Variants in SH3RF1 observed in about 807,000 individuals in gnomAD.
SH3RF1 encodes SH3 domain containing ring finger 1.
A neutral mutation model predicts 74.0 loss-of-function variants in SH3RF1; 32 were observed. The observed-to-expected ratio is 0.43, with a 90% CI of 0.33 to 0.58. The LOEUF (loss-of-function observed/expected upper bound fraction) is 0.58. Ranked by LOEUF, SH3RF1 falls within the 20% of genes least tolerant of loss-of-function variation. The pLI is 0.05. For missense variants in SH3RF1, 954 were observed against 1,130.9 expected (o/e 0.84, Z 2.24); for synonymous variants, 396 against 439.6 (o/e 0.90, Z 1.24).
intron 2 of SH3RF1, among the ~76,000 whole-genome samples, chr4:169,172,773 T>C (rs1288406104): frequency 5.9e-5 from 9 of 152,140 alleles, no homozygotes; most frequent in East Asian, 1.9e-4. Context: ...GACCCACCAA[T>C]TGGCTGCCAG....
At chr4:169,193,258 C>T (rs75802678) in intron 2 of SH3RF1, among the ~76,000 whole-genome samples, 311 of 152,200 alleles carry the variant, frequency 2.0e-3, no homozygotes, top group Non-Finnish European at 3.4e-3. Flanking sequence ...TAACCAAACA[C>T]CATCCATTCC....
At chr4:169,155,346 C>T (rs1448306651) in intron 4 of SH3RF1, 134 bp downstream of exon 4, 1 of 621,194 alleles carries the variant, frequency 1.6e-6, no homozygotes, top group East Asian at 2.8e-5. Flanking sequence ...TCTTCCTGAT[C>T]TGTCCAGTGA....
In SH3RF1 at chr4:169,243,738, A is replaced by C. The variant is rs540340029; in HGVS notation, c.393+25082T>G. On this transcript the variant is annotated intron_variant, in intron 2 of 11. Coordinates refer to ENST00000284637, the MANE Select transcript of SH3RF1 (RefSeq NM_020870.4). ...AGATTCTTGCACTGGATATTCAAGA[A>C]GTCTTGCTTTCATTTACTGTTTCCC... Among the ~76,000 whole-genome samples the C allele has an allele frequency of 2.9e-3, 435 of 152,304 alleles. 1 individual carries two copies. The highest frequency in any genetic ancestry group is 3.9e-3 in the Non-Finnish European group (263 of 68,032).
intron 8 of SH3RF1, among the ~76,000 whole-genome samples, chr4:169,119,089 A>ATAGT (rs1733393556): frequency 6.6e-6 from 1 of 151,926 alleles, no homozygotes; most frequent in Non-Finnish European, 1.5e-5. Flanking sequence ...ATTCCTCTAG[A>ATAGT]GTTAAACAAA....
At chr4:169,242,053 T>C (rs909455533) in intron 2 of SH3RF1, among the ~76,000 whole-genome samples, 1 of 152,172 alleles carries the variant, frequency 6.6e-6, no homozygotes, top group Non-Finnish European at 1.5e-5. Flanking sequence ...AAGAATACTA[T>C]AAATAGGATC....
At position 169,169,198 on chromosome 4, in the gene SH3RF1, C is replaced by A. The variant is rs184528452; in HGVS notation, c.394-12519G>T. On this transcript the variant is annotated intron_variant, in intron 2 of 11. Transcript: ENST00000284637. Reference sequence around the variant, plus strand: ...TTAAACAATTACTTCAGGAAAATATCTTCTTACTTTGAAATAAACTTATTA... The same window carrying A: ...TTAAACAATTACTTCAGGAAAATATATTCTTACTTTGAAATAAACTTATTA... Among the ~76,000 whole-genome samples, 135 of 152,236 alleles carry A rather than the reference C, an allele frequency of 8.9e-4. 2 individuals are homozygous for A. In the South Asian group the frequency reaches 0.018, roughly 21 times the overall value.
At chr4:169,221,084 C>T (rs1438892908) in intron 2 of SH3RF1, among the ~76,000 whole-genome samples, 4 of 152,176 alleles carry the variant, frequency 2.6e-5, no homozygotes, top group Non-Finnish European at 5.9e-5. Context: ...GAGAGGCGCA[C>T]ATAGCATTTT....
chr4:169,223,299 G>A (rs1730598259), intron 2 of SH3RF1, among the ~76,000 whole-genome samples: 1 of 152,154 alleles, frequency 6.6e-6, no homozygotes, highest in East Asian at 1.9e-4. Context: ...TCCACAAAAT[G>A]CAGCACATAT....
intron 2 of SH3RF1, among the ~76,000 whole-genome samples, chr4:169,217,818 G>A (rs776386452): frequency 2.0e-5 from 3 of 152,046 alleles, no homozygotes; most frequent in South Asian, 2.1e-4. Context: ...CCACAGAACC[G>A]TATACTTTAA....
chr4:169,136,244 G>T, intron 5 of SH3RF1, 74 bp downstream of exon 5: 2 of 1,323,948 alleles, frequency 1.5e-6, no homozygotes. Flanking sequence ...TTGTCAGCCA[G>T]TGAGCAAACA....
intron 2 of SH3RF1, among the ~76,000 whole-genome samples, chr4:169,164,241 T>C (rs1189954715): frequency 6.6e-6 from 1 of 152,212 alleles, no homozygotes; most frequent in Non-Finnish European, 1.5e-5. Context: ...CCTACCTCAG[T>C]GTCTGTGAAA....
At chr4:169,192,552 T>G (rs967284743) in intron 2 of SH3RF1, among the ~76,000 whole-genome samples, 1 of 152,068 alleles carries the variant, frequency 6.6e-6, no homozygotes, top group Non-Finnish European at 1.5e-5. Context: ...TGTAAACTAG[T>G]ACAACCACTA....
At chr4:169,256,595 T>C (rs555629668) in intron 2 of SH3RF1, among the ~76,000 whole-genome samples, 1 of 152,284 alleles carries the variant, frequency 6.6e-6, no homozygotes, top group African/African-American at 2.4e-5. Flanking sequence ...TTTTGTTTGT[T>C]TCTTTCCTTC....
intron 2 of SH3RF1, among the ~76,000 whole-genome samples, chr4:169,183,031 C>T (rs1734539212): frequency 6.6e-6 from 1 of 152,064 alleles, no homozygotes; most frequent in Non-Finnish European, 1.5e-5. Context: ...GGGGTGCGGG[C>T]ATGGTGGTTC....
chr4:169,252,406 G>C (rs1327129339), intron 2 of SH3RF1, among the ~76,000 whole-genome samples: 2 of 152,152 alleles, frequency 1.3e-5, no homozygotes, highest in African/African-American at 4.8e-5. Context: ...CATAGGATCA[G>C]CTTTTAAAAT....
chr4:169,193,252 CA>C (rs1734758800), intron 2 of SH3RF1, among the ~76,000 whole-genome samples: 2 of 152,084 alleles, frequency 1.3e-5, no homozygotes, highest in Admixed American at 6.6e-5. Flanking sequence ...CTTATGTAAC[CA>C]AACACCATCC....
At position 169,116,438 on chromosome 4, in the gene SH3RF1, G is replaced by A. The variant is rs753848980; in HGVS notation, c.1970C>T (p.Ala657Val). Residue 657 changes from alanine (A) to valine (V), a missense_variant, in exon 10 of 12, where the codon GCC (alanine) becomes GTC (valine). Transcript: ENST00000284637. ...AGTCAGTGGAGCAGCTGCTGCACAG[G>A]CCAGAGGGGCACTGGCTCGACTGAT... ...ISISRASAPL[A>V]CAAAAPLTSP... 1.1e-5 allele frequency: 17 copies of A among 1,614,006 alleles called. No individual in the cohort carries two copies. In the Admixed American group the frequency reaches 1.8e-4, roughly 17 times the overall value.
intron 2 of SH3RF1, among the ~76,000 whole-genome samples, chr4:169,241,394 G>T (rs1258206866): frequency 2.0e-5 from 3 of 152,210 alleles, no homozygotes; most frequent in Admixed American, 6.5e-5. Context: ...TCAGCCGAAA[G>T]GCAGTGAACT....
intron 2 of SH3RF1, among the ~76,000 whole-genome samples, chr4:169,182,962 G>T (rs1258455252): frequency 6.6e-6 from 1 of 152,152 alleles, no homozygotes; most frequent in African/African-American, 2.4e-5. Flanking sequence ...TGGAAGGACT[G>T]CTTGAGGCTA....
Sources: gnomAD v4.1 joint callset for allele counts (sites outside exome capture counted in the v4.1 genomes callset) on GRCh38, gnomAD v4.1.1 for gene constraint, MANE v1.5 for transcripts, NCBI Gene and HGNC (gene_info 2026-07-23, HGNC 2026-07-21) for gene names.